Variants in AFDN observed in about 807,000 individuals in gnomAD.
The protein encoded by AFDN is afadin, adherens junction formation factor.
Under a neutral mutation model 216.6 loss-of-function variants are expected in AFDN, and 68 were observed. The observed-to-expected ratio is 0.31, with a 90% CI of 0.26 to 0.38. AFDN has a LOEUF of 0.38. AFDN is among the 10% of genes least tolerant of loss of function. The pLI is 1.00. For synonymous variants in AFDN, 868 were observed against 853.7 expected, an observed-to-expected ratio of 1.02 and a Z score of -0.29; for missense variants, 2,136 against 2,342.0, an observed-to-expected ratio of 0.91 and a Z score of 1.82.
intron 29 of AFDN, among the ~76,000 whole-genome samples, chr6:167,948,994 A>G (rs1164835713): frequency 4.6e-5 from 7 of 152,222 alleles, no homozygotes; most frequent in Non-Finnish European, 1.0e-4. Flanking sequence ...GTTCAGCAGG[A>G]ACCCTGGGTA....
chr6:167,913,591 C>T (rs190117270), intron 16 of AFDN, 168 bp downstream of exon 16: 27 of 584,706 alleles, frequency 4.6e-5, no homozygotes, highest in East Asian at 2.3e-4. Flanking sequence ...CAACCTTTAT[C>T]GGCATTTCAT....
At chr6:167,858,661 G>A (rs985394016) in intron 1 of AFDN, among the ~76,000 whole-genome samples, 2 of 152,132 alleles carry the variant, frequency 1.3e-5, no homozygotes, top group South Asian at 2.1e-4. Context: ...AAAATTTAAC[G>A]AAGTCATTTG....
rs1178737523 is a variant in AFDN, at chr6:167,896,999, ACT to A, written c.1317+30_1317+31del. The stretch of plus-strand genomic sequence containing the variant: ...TACGTAGTCTGAGCTTCCTGCTGCA[ACT>A]CTGACATTCCAGGAGGCATAACGTA... On this transcript the variant is annotated intron_variant, in intron 10 of 33. Transcript: ENST00000683244. 3 of 1,346,122 alleles carry A rather than the reference ACT, an allele frequency of 2.2e-6. No homozygotes were observed. In the Admixed American group the frequency reaches 5.0e-5, roughly 23 times the overall value. 83.4% of individuals were successfully genotyped at this position (1,346,122 alleles called of 1,614,324 possible). A position where few individuals can be genotyped will look rare whatever the true frequency, so the allele number is the denominator to read the frequency against.
At chr6:167,952,277 G>C (rs758118751) in intron 30 of AFDN, 90 bp downstream of exon 30, 1 of 1,598,092 alleles carries the variant, frequency 6.3e-7, no homozygotes, top group South Asian at 1.1e-5. Flanking sequence ...GCCCCTGATC[G>C]TGATAAGGAT....
At position 167,826,968 on chromosome 6, in the gene AFDN, G is replaced by C. The variant is rs1305649303; in HGVS notation, c.-165G>C. Reference sequence around the variant, plus strand: ...CGCGGCGCGGACTGAGCCCCAGGCGGAGGCCAAGTCGGAGGACGCGGCGCG... The same window carrying C: ...CGCGGCGCGGACTGAGCCCCAGGCGCAGGCCAAGTCGGAGGACGCGGCGCG... On this transcript the variant is annotated 5_prime_UTR_variant, in exon 1 of 34. Transcript: ENST00000683244. 1 of 154,002 alleles carries C rather than the reference G, an allele frequency of 6.5e-6. No individual in the cohort carries two copies. Among genetic ancestry groups the C allele is most frequent in the African/African-American group, 2.5e-5 (1 of 40,782 alleles). The allele number at this position is 154,002 out of a possible 1,614,324, so 9.5% of individuals were successfully genotyped here.
intron 1 of AFDN, among the ~76,000 whole-genome samples, chr6:167,841,099 G>A (rs1033008572): frequency 1.3e-5 from 2 of 152,200 alleles, no homozygotes; most frequent in African/African-American, 4.8e-5. Flanking sequence ...GGAGACTGAC[G>A]AGGAGAGAAA....
chr6:167,924,644 G>T (rs1019283336), intron 22 of AFDN, among the ~76,000 whole-genome samples: 2 of 152,110 alleles, frequency 1.3e-5, no homozygotes, highest in Admixed American at 1.3e-4. Context: ...CAAAAAGACT[G>T]GTAATTTATT....
At chr6:167,891,802 T>TA (rs1302855797) in intron 8 of AFDN, among the ~76,000 whole-genome samples, 2 of 152,182 alleles carry the variant, frequency 1.3e-5, no homozygotes, top group Non-Finnish European at 2.9e-5. Flanking sequence ...TAAATGCTAT[T>TA]ATGTGACCTG....
At chr6:167,907,593 A>C (rs965268774) in intron 13 of AFDN, among the ~76,000 whole-genome samples, 1 of 152,236 alleles carries the variant, frequency 6.6e-6, no homozygotes, top group African/African-American at 2.4e-5. Flanking sequence ...ATAGGATTTT[A>C]ATATTTGATG....
At chr6:167,899,131 GCCTTTC>G (rs1788635284) in intron 11 of AFDN, among the ~76,000 whole-genome samples, 2 of 152,112 alleles carry the variant, frequency 1.3e-5, no homozygotes, top group South Asian at 4.2e-4. Flanking sequence ...TCCCTGCTTG[GCCTTTC>G]CCATTGTTTT....
At chr6:167,859,645 C>T (rs949518975) in intron 1 of AFDN, among the ~76,000 whole-genome samples, 1 of 152,140 alleles carries the variant, frequency 6.6e-6, no homozygotes, top group African/African-American at 2.4e-5. Context: ...TTTCTGCTGG[C>T]TTGGAGAATA....
intron 3 of AFDN, among the ~76,000 whole-genome samples, chr6:167,871,589 T>C (rs75681572): frequency 6.6e-6 from 1 of 152,216 alleles, no homozygotes. Flanking sequence ...TCTGTAAAAA[T>C]AATGCATCTC....
chr6:167,925,408 G>C (rs1218565291), intron 23 of AFDN, among the ~76,000 whole-genome samples: 1 of 152,282 alleles, frequency 6.6e-6, no homozygotes, highest in African/African-American at 2.4e-5. Flanking sequence ...AGAAAGCATT[G>C]CTACAGTAGA....
At chr6:167,910,914 G>A (rs183468261) in intron 13 of AFDN, among the ~76,000 whole-genome samples, 187 bp from the exon 14 acceptor site, 8 of 152,254 alleles carry the variant, frequency 5.3e-5, no homozygotes, top group Admixed American at 1.3e-4. Flanking sequence ...TAGAGGAGTC[G>A]TGATAAGATC....
chr6:167,969,082 C>G, intron 32 of AFDN, 32 bp from the exon 33 acceptor site: 1 of 1,521,732 alleles, frequency 6.6e-7, no homozygotes, highest in Non-Finnish European at 9.1e-7. Flanking sequence ...TAATCAGGTA[C>G]TTTAACTTGT....
At chr6:167,908,445 G>A (rs73032765) in intron 13 of AFDN, among the ~76,000 whole-genome samples, 3,014 of 152,204 alleles carry the variant, frequency 0.02, 56 homozygotes, top group Non-Finnish European at 0.033. Flanking sequence ...TTTACTTTCC[G>A]TGTTTGTACT....
In AFDN at chr6:167,966,805, T is replaced by C. The variant is rs541841589; in HGVS notation, c.5257+760T>C. Among the ~76,000 whole-genome samples the C allele has an allele frequency of 9.2e-5, 14 of 152,388 alleles. No individual in the cohort carries two copies. The South Asian group carries it at 2.9e-3, about 32-fold the overall frequency. ...CGGAGCATCCGCTAAGCTGGTTCAC[T>C]GTTGGCTTCATGACCTCCGTGCAGG... is the stretch of plus-strand genomic sequence containing the variant. On this transcript the variant is annotated intron_variant, in intron 32 of 33. Transcript: ENST00000683244.
chr6:167,893,556 GT>G (rs1159987358), intron 8 of AFDN: 1 of 304,376 alleles, frequency 3.3e-6, no homozygotes, highest in Admixed American at 4.3e-5. Context: ...AATCAGCCCA[GT>G]GGGGTGGTAG....
chr6:167,917,307 G>A, intron 20 of AFDN, 75 bp downstream of exon 20: 1 of 1,341,070 alleles, frequency 7.5e-7, no homozygotes, highest in African/African-American at 1.5e-5. Context: ...AAAAACAAAA[G>A]GAAATCCTAT....
Sources: gnomAD v4.1 joint callset for allele counts (sites outside exome capture counted in the v4.1 genomes callset) on GRCh38, gnomAD v4.1.1 for gene constraint, MANE v1.5 for transcripts, NCBI Gene and HGNC (gene_info 2026-07-23, HGNC 2026-07-21) for gene names.